The following UNC13A variants were observed in gnomAD, a reference collection of about 807,000 sequenced individuals.
The protein encoded by UNC13A is protein unc-13 homolog A.
Under a neutral mutation model 219.7 loss-of-function variants are expected in UNC13A, and 61 were observed. The observed-to-expected ratio is 0.28, with a 90% CI of 0.23 to 0.34. The LOEUF (loss-of-function observed/expected upper bound fraction) is 0.34, where lower values mean the gene tolerates loss of function less well. Among genes scored for constraint, UNC13A ranks in the 10% least tolerant of loss-of-function variants. UNC13A has a pLI of 1.00. For missense variants in UNC13A, 1,476 were observed against 2,270.3 expected (o/e 0.65, Z 7.11); for synonymous variants, 920 against 884.6 (o/e 1.04, Z -0.71).
At position 17,668,097 on chromosome 19, in the gene UNC13A, C is replaced by T; in HGVS notation, c.468+20G>A. 6.2e-7 allele frequency: 1 copy of T among 1,612,054 alleles called. No individual in the cohort carries two copies. The highest frequency in any genetic ancestry group is 8.5e-7 in the Non-Finnish European group (1 of 1,178,706). On this transcript the variant is annotated intron_variant, in intron 6 of 43. Transcript: ENST00000519716. ...GACAGAAACAAGGAAGAAACAGTCC[C>T]CTCCCACCCCAACACTCACTTCATC... is the stretch of plus-strand genomic sequence containing the variant.
At position 17,606,219 on chromosome 19, in the gene UNC13A, G is replaced by A; in HGVS notation, c.4947C>T (p.Ala1649=). 2 of 1,553,640 alleles carry A rather than the reference G, an allele frequency of 1.3e-6. No individual in the cohort carries two copies. Among genetic ancestry groups the A allele is most frequent in the South Asian group, 1.2e-5 (1 of 84,554 alleles). Residue 1649 remains alanine (A), a synonymous_variant, in exon 44 of 44, where the codon GCC becomes GCT. Coordinates refer to ENST00000519716, the MANE Select transcript of UNC13A (RefSeq NM_001080421.3). ...GGCGGCCGAGCGGCAGCCAGCAGGC[G>A]GCGCTCCCGCGCTGGGCCAGCTCAC... The part of the protein sequence containing the change: ...QLRELAQRGS[A]ACWLPLGRRI...
chr19:17,671,395 A>C (rs1419800897), intron 4 of UNC13A, among the ~76,000 whole-genome samples: 1 of 152,148 alleles, frequency 6.6e-6, no homozygotes, highest in African/African-American at 2.4e-5. Flanking sequence ...GCTCCAGCTA[A>C]TAAGGCCTTC....
Position 17,655,285 on chromosome 19 carries a change from G to T in UNC13A, c.1381C>A (p.Gln461Lys), listed in dbSNP as rs868455440. The T allele has an allele frequency of 6.3e-7, 1 of 1,576,066 alleles. No individual in the cohort carries two copies. The change falls in exon 11 of 44, where the codon CAG (glutamine) becomes AAG (lysine). Residue 461 changes from glutamine (Q) to lysine (K), a missense_variant. By Grantham distance (53) the Gln-to-Lys change is moderately conservative (BLOSUM62 1). This residue lies in a region of UNC13A where 351 missense variants were observed against 342.6 expected (regional missense o/e 1.02). Coordinates refer to ENST00000519716, the MANE Select transcript of UNC13A (RefSeq NM_001080421.3). ...WLRAFNKVRMQLQEARGEGEM... is the reference protein window; with the variant it reads ...WLRAFNKVRMKLQEARGEGEM... ...GGCGTGTCACTCACCTCCTGCAGCT[G>T]CATCCGCACCTTGTTGAAGGCACGC...
In UNC13A at chr19:17,623,566, G is replaced by A; in HGVS notation, c.4198-19C>T. The stretch of plus-strand genomic sequence containing the variant: ...CGATCATCTGTCATCCGTGATGGGG[G>A]CGGGGCGGTGGGGGAGGGGGGAATA... On this transcript the variant is annotated intron_variant, in intron 35 of 43. Coordinates refer to ENST00000519716, the MANE Select transcript of UNC13A (RefSeq NM_001080421.3). 3 of 1,391,114 alleles carry A rather than the reference G, an allele frequency of 2.2e-6. No individual in the cohort carries two copies. Among genetic ancestry groups the A allele is most frequent in the South Asian group, 1.5e-5 (1 of 68,916 alleles). The allele number at this position is 1,391,114 out of a possible 1,614,324, so 86.2% of individuals were successfully genotyped here.
chr19:17,656,428 G>A, intron 9 of UNC13A, 30 bp from the exon 10 acceptor site: 1 of 1,472,828 alleles, frequency 6.8e-7, no homozygotes, highest in Non-Finnish European at 9.0e-7. Flanking sequence ...TTCAGGGACT[G>A]GGGTACCGAG....
At chr19:17,615,987 A>G (rs898249069) in intron 41 of UNC13A, among the ~76,000 whole-genome samples, 1 of 146,850 alleles carries the variant, frequency 6.8e-6, no homozygotes, top group African/African-American at 2.5e-5. Flanking sequence ...AATAATATCA[A>G]TAACAATAAT....
intron 7 of UNC13A, 60 bp downstream of exon 7, chr19:17,666,589 TG>T: frequency 1.5e-6 from 2 of 1,302,516 alleles, no homozygotes; most frequent in Non-Finnish European, 2.0e-6. Flanking sequence ...AGGACAGTCA[TG>T]GGGTAGGGGA....
chr19:17,664,072 G>T (rs2079599850), intron 7 of UNC13A, among the ~76,000 whole-genome samples: 1 of 151,932 alleles, frequency 6.6e-6, no homozygotes, highest in Admixed American at 6.6e-5. Context: ...CGAGTAGCTG[G>T]GATTTACAGG....
chr19:17,649,272 T>G lies in UNC13A; in HGVS notation c.1524+67A>C, dbSNP rs1376810029. 3 of 1,542,520 alleles carry G rather than the reference T, an allele frequency of 1.9e-6. No homozygotes were observed. Among genetic ancestry groups the G allele is most frequent in the Non-Finnish European group, 2.6e-6 (3 of 1,149,998 alleles). Reference sequence around the variant, plus strand: ...CCCCATAATCCATGAATTGGGGGCCTGTTAGAAGATCCCAGTGGGGGAGTT... The same window carrying G: ...CCCCATAATCCATGAATTGGGGGCCGGTTAGAAGATCCCAGTGGGGGAGTT... On this transcript the variant is annotated intron_variant, in intron 14 of 43. Transcript: ENST00000519716. The surrounding 1 kb of genome is among the most constrained non-coding windows in gnomAD (Gnocchi z 4.4).
At chr19:17,669,812 C>T (rs975794233) in intron 4 of UNC13A, 136 bp from the exon 5 acceptor site, 13 of 1,053,244 alleles carry the variant, frequency 1.2e-5, no homozygotes, top group South Asian at 4.4e-5. Flanking sequence ...TCTTTCCTTC[C>T]GTCCTTCCTT....
chr19:17,620,813 A>C, intron 37 of UNC13A, 91 bp from the exon 38 acceptor site: 4 of 1,471,752 alleles, frequency 2.7e-6, no homozygotes, highest in Non-Finnish European at 3.8e-6. Flanking sequence ...GCACAGTCTC[A>C]CTTCCCAGCC....
intron 4 of UNC13A, among the ~76,000 whole-genome samples, chr19:17,671,099 G>A (rs2079779678): frequency 6.6e-6 from 1 of 152,062 alleles, no homozygotes; most frequent in African/African-American, 2.4e-5. Flanking sequence ...TGGAAACAGG[G>A]CTGGACACAG....
At chr19:17,647,869 CCGCTGCCTCTCT>C (rs1312256401) in intron 16 of UNC13A, among the ~76,000 whole-genome samples, 1 of 141,266 alleles carries the variant, frequency 7.1e-6, no homozygotes, top group East Asian at 2.3e-4. Context: ...CCTCTGAGTC[CCGCTGCCTCTCT>C]GAGCCCCACT....
intron 20 of UNC13A, among the ~76,000 whole-genome samples, 159 bp downstream of exon 20, chr19:17,642,686 T>A (rs1277697571): frequency 6.6e-6 from 1 of 152,024 alleles, no homozygotes; most frequent in Non-Finnish European, 1.5e-5. Flanking sequence ...ATCTGGACTT[T>A]GATGGATAGG....
In UNC13A at chr19:17,674,289, G is replaced by A. The variant is rs1465658939; in HGVS notation, c.152+368C>T. Among the ~76,000 whole-genome samples, 2 of 152,240 alleles carry A rather than the reference G, an allele frequency of 1.3e-5. No homozygotes were observed. Among genetic ancestry groups the A allele is most frequent in the East Asian group, 1.9e-4 (1 of 5,190 alleles). On this transcript the variant is annotated intron_variant, in intron 3 of 43. Coordinates refer to ENST00000519716, the MANE Select transcript of UNC13A (RefSeq NM_001080421.3). This position sits in a 1 kb window ranked among gnomAD's most constrained non-coding sequence, Gnocchi z 5.0. ...CCTGGTGGGAATCACGGGGAAGGCT[G>A]TGGGTTTTATTGTGAGGTCGATGAG...
chr19:17,653,413 T>G (rs540283932), intron 11 of UNC13A, among the ~76,000 whole-genome samples: 1 of 152,010 alleles, frequency 6.6e-6, no homozygotes, highest in East Asian at 1.9e-4. Flanking sequence ...AGTGGCGCAA[T>G]CTCAGCTCAC....
chr19:17,628,309 G>A (rs1165882203), intron 31 of UNC13A: 4 of 214,996 alleles, frequency 1.9e-5, no homozygotes, highest in Admixed American at 5.6e-5. Context: ...ACACACTGAA[G>A]GCGTGTGCCC....
At chr19:17,645,932 T>A (rs374820658) in intron 18 of UNC13A, 38 bp downstream of exon 18, 211 of 1,606,172 alleles carry the variant, frequency 1.3e-4, no homozygotes, top group Non-Finnish European at 1.4e-4. Context: ...CCCAGCAGGA[T>A]GCCCCACATG....
Position 17,603,106 on chromosome 19 carries a change from G to T in UNC13A, c.*2948C>A, listed in dbSNP as rs950788988. 2 of 152,126 alleles carry T rather than the reference G, an allele frequency of 1.3e-5. No homozygotes were observed. Among genetic ancestry groups the T allele is most frequent in the East Asian group, 3.8e-4 (2 of 5,200 alleles). 9.4% of individuals were successfully genotyped at this position (152,126 alleles called of 1,614,324 possible). Reference sequence around the variant, plus strand: ...GAGTTCTCTGGGGGAAAGAAAAGAGGGTGGAAATTGCAAAAACAGTTCTAG... The same window carrying T: ...GAGTTCTCTGGGGGAAAGAAAAGAGTGTGGAAATTGCAAAAACAGTTCTAG... On this transcript the variant is annotated 3_prime_UTR_variant, in exon 44 of 44. Transcript: ENST00000519716.
Sources: allele counts gnomAD v4.1 joint callset (sites outside exome capture counted in the v4.1 genomes callset), GRCh38; gene constraint gnomAD v4.1.1; regional missense constraint gnomAD v4.1.1; non-coding constraint Gnocchi (gnomAD v3.1); transcripts MANE v1.5; gene names NCBI Gene and HGNC (gene_info 2026-07-23, HGNC 2026-07-21).